ZBTB46: variants seen among roughly 807,000 people sequenced by gnomAD.
ZBTB46 encodes the protein zinc finger and BTB domain containing 46, also known as zinc finger and BTB domain-containing protein 46.
A neutral mutation model predicts 44.1 loss-of-function variants in ZBTB46; 8 were observed. The ratio of observed to expected loss-of-function variants is 0.18; its 90% confidence interval spans 0.11 to 0.33. The LOEUF (loss-of-function observed/expected upper bound fraction) is 0.33, where lower values mean the gene tolerates loss of function less well. Among genes scored for constraint, ZBTB46 ranks in the 10% least tolerant of loss-of-function variants. The probability of loss-of-function intolerance (pLI) is 1.00; values close to 1 mark genes in which losing one functional copy is unlikely to be tolerated. For synonymous variants in ZBTB46, 409 were observed against 382.3 expected (o/e 1.07, Z -0.81); for missense variants, 651 against 847.7 (o/e 0.77, Z 2.88).
intron 3 of ZBTB46, among the ~76,000 whole-genome samples, chr20:63,764,084 T>G (rs1453985802): frequency 1.3e-5 from 2 of 151,902 alleles, no homozygotes; most frequent in Non-Finnish European, 2.9e-5. Context: ...TCCTCCCACC[T>G]CAGCCTCCCA....
intron 3 of ZBTB46, among the ~76,000 whole-genome samples, chr20:63,765,063 A>ATGTGCATGTGTGCG (rs1309495729): frequency 8.8e-6 from 1 of 114,258 alleles, no homozygotes; most frequent in East Asian, 2.0e-4. Context: ...GTATGTTTGT[A>ATGTGCATGTGTGCG]TGTGCATGTG....
chr20:63,769,164 C>T (rs1217896691), intron 3 of ZBTB46: 1 of 984,622 alleles, frequency 1.0e-6, no homozygotes. Context: ...TGGGCCGTGG[C>T]CACGCACACA....
rs1179830390 is a variant in ZBTB46 at position 63,752,274 on chromosome 20, T to C, written c.1398+412A>G. ...CCACACCTGCTACCTGACAACGACC[T>C]GCCAGTGCTGAGCTCCAGGGTGGGC... On this transcript the variant is annotated intron_variant, in intron 4 of 4. Transcript: ENST00000245663. This position sits in a 1 kb window ranked among gnomAD's most constrained non-coding sequence, Gnocchi z 5.6. Among the ~76,000 whole-genome samples, 1 of 148,990 alleles carries C rather than the reference T, an allele frequency of 6.7e-6. No individual in the cohort carries two copies. Among genetic ancestry groups the C allele is most frequent in the Non-Finnish European group, 1.5e-5 (1 of 66,968 alleles).
chr20:63,808,965 A>G (rs2092700361), intron 1 of ZBTB46, among the ~76,000 whole-genome samples: 1 of 138,202 alleles, frequency 7.2e-6, no homozygotes, highest in Admixed American at 7.6e-5. Context: ...CGGCAGAGCG[A>G]GACTCCGCTT....
chr20:63,748,087 C>G (rs2092122208), intron 4 of ZBTB46, among the ~76,000 whole-genome samples: 1 of 144,812 alleles, frequency 6.9e-6, no homozygotes, highest in South Asian at 2.2e-4. Flanking sequence ...CCTGACCCCT[C>G]AGCCCGACCC....
chr20:63,781,359 C>T (rs2092468853), intron 2 of ZBTB46, among the ~76,000 whole-genome samples: 2 of 152,140 alleles, frequency 1.3e-5, no homozygotes, highest in Admixed American at 6.6e-5. Flanking sequence ...CCAGCTGAGC[C>T]ACGACACTCA....
intron 1 of ZBTB46, chr20:63,808,257 T>C (rs201241317): frequency 1.3e-5 from 2 of 152,514 alleles, no homozygotes; most frequent in East Asian, 3.9e-4. Flanking sequence ...GGGGGGCCCA[T>C]GGGGCCCCAG....
At chr20:63,828,534 G>A (rs2092831706) in intron 1 of ZBTB46, among the ~76,000 whole-genome samples, 2 of 152,112 alleles carry the variant, frequency 1.3e-5, no homozygotes, top group Admixed American at 6.5e-5. Flanking sequence ...AACCAGTAGA[G>A]GGAAGTATCA....
intron 3 of ZBTB46, among the ~76,000 whole-genome samples, chr20:63,766,484 G>A (rs2092321406): frequency 1.3e-5 from 2 of 151,410 alleles, no homozygotes; most frequent in East Asian, 3.9e-4. Context: ...CCAAAGTGCT[G>A]GGATCACAGG....
intron 3 of ZBTB46, among the ~76,000 whole-genome samples, chr20:63,774,193 G>A (rs1055432395): frequency 2.0e-4 from 31 of 151,576 alleles, no homozygotes; most frequent in African/African-American, 7.3e-4. Context: ...ACCCTTCGAC[G>A]GACACGGCTC....
At chr20:63,820,431 TTA>T (rs59953663) in intron 1 of ZBTB46, among the ~76,000 whole-genome samples, 1 of 150,154 alleles carries the variant, frequency 6.7e-6, no homozygotes, top group Non-Finnish European at 1.5e-5. Flanking sequence ...AAGAAGTATA[TTA>T]TATATATATA....
intron 3 of ZBTB46, among the ~76,000 whole-genome samples, chr20:63,753,498 G>C (rs944666553): frequency 6.6e-6 from 1 of 152,216 alleles, no homozygotes; most frequent in African/African-American, 2.4e-5. Flanking sequence ...CCTGGGGCCA[G>C]GCTCAAAAAC....
intron 3 of ZBTB46, among the ~76,000 whole-genome samples, chr20:63,765,592 C>T (rs1414631110): frequency 6.6e-6 from 1 of 152,196 alleles, no homozygotes; most frequent in African/African-American, 2.4e-5. Flanking sequence ...CCACGCTCAG[C>T]TAATTTTAAA....
intron 4 of ZBTB46, among the ~76,000 whole-genome samples, chr20:63,749,359 C>T (rs1478672098): frequency 6.6e-6 from 1 of 152,044 alleles, no homozygotes; most frequent in Non-Finnish European, 1.5e-5. Flanking sequence ...TTTTTTGAAA[C>T]AGAGTCTCGC....
At position 63,746,990 on chromosome 20, in the gene ZBTB46, G is replaced by A; in HGVS notation, c.1710C>T (p.Asp570=). 2 of 1,607,150 alleles carry A rather than the reference G, an allele frequency of 1.2e-6. No homozygotes were observed. Among genetic ancestry groups the A allele is most frequent in the Non-Finnish European group, 8.5e-7 (1 of 1,179,284 alleles). Residue 570 remains aspartate, a synonymous_variant, in exon 5 of 5, where the codon GAC becomes GAT. Transcript: ENST00000245663. ...CTGGGGGGCTGCGCGGCCGCGGCGA[G>A]TCTTCCTCATCCTTGTCGTCCGCCA... The part of the protein sequence containing the change: ...ALLADDKDEE[D]SPRPRSPPGG...
At chr20:63,750,787 C>T (rs774958540) in intron 4 of ZBTB46, among the ~76,000 whole-genome samples, 4 of 151,988 alleles carry the variant, frequency 2.6e-5, no homozygotes, top group Non-Finnish European at 2.9e-5. Flanking sequence ...CCTGTAGTCC[C>T]AGCTACTTGG....
At chr20:63,796,411 A>G (rs2092604723) in intron 1 of ZBTB46, among the ~76,000 whole-genome samples, 1 of 152,240 alleles carries the variant, frequency 6.6e-6, no homozygotes, top group Admixed American at 6.5e-5. Flanking sequence ...CTCAGCGGGC[A>G]AGAACGACCC....
At chr20:63,832,488 T>A (rs2092857170), upstream of ZBTB46, among the ~76,000 whole-genome samples, 1 of 152,006 alleles carries the variant, frequency 6.6e-6, no homozygotes, top group Non-Finnish European at 1.5e-5. The surrounding 1 kb of genome is among the most constrained non-coding windows in gnomAD (Gnocchi z 5.0). Context: ...TATGGGTGCT[T>A]TCAAATCTGG....
chr20:63,748,745 G>T (rs2315648), intron 4 of ZBTB46, among the ~76,000 whole-genome samples: 3 of 152,070 alleles, frequency 2.0e-5, no homozygotes, highest in African/African-American at 4.8e-5. Flanking sequence ...GCTGTCTCCC[G>T]GGGCCTGCAG....
Sources: gnomAD v4.1 joint callset for allele counts (sites outside exome capture counted in the v4.1 genomes callset) on GRCh38, gnomAD v4.1.1 for gene constraint, Gnocchi (gnomAD v3.1) non-coding constraint, MANE v1.5 for transcripts, NCBI Gene and HGNC (gene_info 2026-07-23, HGNC 2026-07-21) for gene names.